C11orf54: variants seen among roughly 807,000 people sequenced by gnomAD.
The protein encoded by C11orf54 is beta-keto-L-gulonate decarboxylase, also known as beta-keto L-gulonate decarboxylase.
A neutral mutation model predicts 35.5 loss-of-function variants in C11orf54; 29 were observed. The ratio of observed to expected loss-of-function variants is 0.82; its 90% CI spans 0.61 to 1.11. The LOEUF (loss-of-function observed/expected upper bound fraction) is 1.11. C11orf54 is among the 50% of genes most tolerant of loss of function. The pLI is 0.00. For synonymous variants in C11orf54, 108 were observed against 121.1 expected, an observed-to-expected ratio of 0.89 and a Z score of 0.71; for missense variants, 373 against 369.2, an observed-to-expected ratio of 1.01 and a Z score of -0.08.
rs573919339 is a variant in C11orf54, at chr11:93,754,335, C to T, written c.330+298C>T. On this transcript the variant is annotated intron_variant, in intron 5 of 8. Coordinates refer to ENST00000354421, the MANE Select transcript of C11orf54 (RefSeq NM_001286069.2). Reference sequence around the variant, plus strand: ...AAATATTTATATTCTTACAGGATTCCGAGCTTATCTATAAATCTTTGCTTT... The same window carrying T: ...AAATATTTATATTCTTACAGGATTCTGAGCTTATCTATAAATCTTTGCTTT... Among the ~76,000 whole-genome samples the T allele has an allele frequency of 3.9e-5, 6 of 152,198 alleles. No individual in the cohort carries two copies. The East Asian group carries it at 1.2e-3, about 29-fold the overall frequency.
rs1943564979 is a variant in C11orf54 at position 93,763,814 on chromosome 11, T to C, written c.*2126T>C. 1 of 151,720 alleles carries C rather than the reference T, an allele frequency of 6.6e-6. No individual in the cohort carries two copies. Among genetic ancestry groups the C allele is most frequent in the Admixed American group, 6.6e-5 (1 of 15,232 alleles). 9.4% of individuals were successfully genotyped at this position (151,720 alleles called of 1,614,324 possible). On this transcript the variant is annotated 3_prime_UTR_variant, in exon 9 of 9. Transcript: ENST00000354421. The stretch of plus-strand genomic sequence containing the variant: ...CACACACCAACAGAGTATGAAAGGG[T>C]TGTTACTCACATAATGAAGCTTTCT...
intron 8 of C11orf54, among the ~76,000 whole-genome samples, chr11:93,761,227 G>A (rs537883119): frequency 2.4e-4 from 36 of 152,132 alleles, no homozygotes; most frequent in Non-Finnish European, 4.6e-4. Flanking sequence ...GCAGAAAAGT[G>A]TGTACAAAAT....
chr11:93,748,795 CACTGTACTTCG>C (rs1275096970), intron 2 of C11orf54, among the ~76,000 whole-genome samples: 6 of 151,240 alleles, frequency 4.0e-5, no homozygotes, highest in African/African-American at 9.7e-5. Flanking sequence ...AAGATCGCGC[CACTGTACTTCG>C]ACCTGGGCAA....
At chr11:93,748,121 CATTT>C (rs1329997559) in intron 2 of C11orf54, among the ~76,000 whole-genome samples, 1 of 152,024 alleles carries the variant, frequency 6.6e-6, no homozygotes, top group Non-Finnish European at 1.5e-5. Context: ...TCTGGTAGTT[CATTT>C]GTCATCCTGA....
At chr11:93,748,382 A>T (rs1277093504) in intron 2 of C11orf54, among the ~76,000 whole-genome samples, 5 of 151,860 alleles carry the variant, frequency 3.3e-5, no homozygotes, top group Admixed American at 1.3e-4. Context: ...TCCTGGCCTC[A>T]CTCGATGCTC....
intron 7 of C11orf54, among the ~76,000 whole-genome samples, chr11:93,759,189 G>A (rs1284102): frequency 0.55 from 84,313 of 152,054 alleles, 24,786 homozygotes; most frequent in Admixed American, 0.69. Flanking sequence ...AAATCATTCT[G>A]TGATAAAGAT....
chr11:93,756,485 G>A (rs1468702431), intron 6 of C11orf54, among the ~76,000 whole-genome samples: 2 of 99,808 alleles, frequency 2.0e-5, no homozygotes, highest in Non-Finnish European at 4.5e-5. Flanking sequence ...AGCAAGACCT[G>A]TCTTAAAAAA....
At position 93,761,723 on chromosome 11, in the gene C11orf54, A is replaced by T. The variant is rs1229526114; in HGVS notation, c.*35A>T. On this transcript the variant is annotated 3_prime_UTR_variant, in exon 9 of 9. Transcript: ENST00000354421. ...TACTTATTTAGAAAAAGAAATAATT[A>T]AGGTTAATTAATTGATTGACTTATT... 2.6e-6 allele frequency: 4 copies of T among 1,525,658 alleles called. No homozygotes were observed. Among genetic ancestry groups the T allele is most frequent in the Non-Finnish European group, 3.5e-6 (4 of 1,128,866 alleles). The allele number at this position is 1,525,658 out of a possible 1,614,324, so 94.5% of individuals were successfully genotyped here.
rs371863678 is a variant in C11orf54, at chr11:93,755,395, G to A, written c.507+9G>A. The A allele has an allele frequency of 1.9e-6, 3 of 1,610,806 alleles. No individual in the cohort carries two copies. The highest frequency in any genetic ancestry group is 2.7e-5 in the African/African-American group (2 of 74,820). The stretch of plus-strand genomic sequence containing the variant: ...AAGGCCAACCTGGCAAGGTGATTGT[G>A]TCCATAAAAATACAATATTCCCTAA... On this transcript the variant is annotated intron_variant, in intron 6 of 8. Transcript: ENST00000354421.
In C11orf54 at chr11:93,756,155, AG is replaced by A. The variant is rs1943136063; in HGVS notation, c.507+770del. Among the ~76,000 whole-genome samples the A allele has an allele frequency of 9.0e-3, 367 of 40,814 alleles. 5 individuals carry two copies. The highest frequency in any genetic ancestry group is 0.017 in the East Asian group (18 of 1,076). The allele number at this position is 40,814 out of a possible 152,430, so 26.8% of individuals were successfully genotyped here. On this transcript the variant is annotated intron_variant, in intron 6 of 8. Transcript: ENST00000354421. ...GCACTCCAGCCTGGGCAACAAAGCA[AG>A]ACTCTGTCTCCAAAAAAAAAAAAAA...
At chr11:93,761,079 T>A (rs1401636450) in intron 8 of C11orf54, among the ~76,000 whole-genome samples, 1 of 152,150 alleles carries the variant, frequency 6.6e-6, no homozygotes, top group Non-Finnish European at 1.5e-5. Context: ...GCAAAAGAAT[T>A]AGAAATAATG....
chr11:93,759,884 T>G (rs1361684487), intron 8 of C11orf54, 26 bp downstream of exon 8: 2 of 1,287,746 alleles, frequency 1.6e-6, no homozygotes, highest in Non-Finnish European at 2.2e-6. Flanking sequence ...TTTTTTATAT[T>G]ATACTACAAT....
chr11:93,758,379 C>T (rs1176908951), intron 7 of C11orf54, among the ~76,000 whole-genome samples: 1 of 152,196 alleles, frequency 6.6e-6, no homozygotes, highest in Non-Finnish European at 1.5e-5. Context: ...AGCTCAAACC[C>T]GCGGCTGCAG....
chr11:93,750,274 C>A, intron 2 of C11orf54, 72 bp from the exon 3 acceptor site: 1 of 1,165,632 alleles, frequency 8.6e-7, no homozygotes, highest in Non-Finnish European at 1.3e-6. Context: ...TTGAGAGCCA[C>A]ATACCACTTT....
chr11:93,759,619 C>T (rs1943350007), intron 7 of C11orf54, 123 bp from the exon 8 acceptor site: 3 of 401,476 alleles, frequency 7.5e-6, no homozygotes, highest in African/African-American at 2.1e-5. Flanking sequence ...ATGTTCTACA[C>T]ATGTAACCCA....
intron 2 of C11orf54, among the ~76,000 whole-genome samples, chr11:93,748,909 G>C (rs1473264431): frequency 6.7e-6 from 1 of 149,932 alleles, no homozygotes; most frequent in Non-Finnish European, 1.5e-5. Flanking sequence ...ACTTTGGGAG[G>C]CTGAGGCAGG....
In C11orf54 at chr11:93,759,204, G is replaced by A. The variant is rs142331385; in HGVS notation, c.658-538G>A. Reference sequence around the variant, plus strand: ...AAATCATTCTGTGATAAAGATACACGCACACATATGTTTATTGCAGCACTA... The same window carrying A: ...AAATCATTCTGTGATAAAGATACACACACACATATGTTTATTGCAGCACTA... On this transcript the variant is annotated intron_variant, in intron 7 of 8. Coordinates refer to ENST00000354421, the MANE Select transcript of C11orf54 (RefSeq NM_001286069.2). Among the ~76,000 whole-genome samples, 690 of 152,254 alleles carry A rather than the reference G, an allele frequency of 4.5e-3. 4 individuals carry two copies. Among genetic ancestry groups the A allele is most frequent in the East Asian group, 0.013 (69 of 5,188 alleles).
chr11:93,749,510 A>G (rs1942691727), intron 2 of C11orf54, among the ~76,000 whole-genome samples: 1 of 150,700 alleles, frequency 6.6e-6, no homozygotes, highest in African/African-American at 2.4e-5. Context: ...GTCTCAAAAA[A>G]AAAAAAAAAA....
At chr11:93,757,508 G>T in intron 7 of C11orf54, 43 bp downstream of exon 7, 1 of 1,552,928 alleles carries the variant, frequency 6.4e-7, no homozygotes, top group Non-Finnish European at 8.6e-7. Context: ...GAGTTTGTGT[G>T]TGTGCACTTA....
Sources: gnomAD v4.1 joint callset for allele counts (sites outside exome capture counted in the v4.1 genomes callset) on GRCh38, gnomAD v4.1.1 for gene constraint, MANE v1.5 for transcripts, NCBI Gene and HGNC (gene_info 2026-07-23, HGNC 2026-07-21) for gene names.